Variants in PDE4D observed in about 807,000 individuals in gnomAD.
PDE4D encodes 3',5'-cyclic-AMP phosphodiesterase 4D.
Under a neutral mutation model 87.4 loss-of-function variants are expected in PDE4D, and 24 were observed. That is an observed-to-expected ratio of 0.27 (90% CI 0.20 to 0.39). The LOEUF (loss-of-function observed/expected upper bound fraction) is 0.39. Among genes scored for constraint, PDE4D ranks in the 10% least tolerant of loss-of-function variants. The pLI is 1.00. For missense variants in PDE4D, 714 were observed against 1,041.0 expected (o/e 0.69, Z 4.32); for synonymous variants, 384 against 383.2 (o/e 1.00, Z -0.02).
At chr5:59,463,988 A>C (rs796453745) in intron 1 of PDE4D, among the ~76,000 whole-genome samples, 3 of 152,316 alleles carry the variant, frequency 2.0e-5, no homozygotes, top group African/African-American at 7.2e-5. Context: ...GTTGTGCAAG[A>C]TGTGCTTTGT....
chr5:59,061,920 A>G (rs946319390), intron 5 of PDE4D, among the ~76,000 whole-genome samples: 1 of 152,116 alleles, frequency 6.6e-6, no homozygotes, highest in Admixed American at 6.6e-5. Flanking sequence ...CCACCGAAGT[A>G]GAGACCTTCA....
At chr5:60,251,887 C>T (rs969649189) in intron 1 of PDE4D, among the ~76,000 whole-genome samples, 1 of 151,946 alleles carries the variant, frequency 6.6e-6, no homozygotes, top group Non-Finnish European at 1.5e-5. Context: ...GCAGCTTCTA[C>T]TCCTGCAAGC....
intron 1 of PDE4D, among the ~76,000 whole-genome samples, chr5:59,302,248 C>T (rs1770404953): frequency 6.6e-6 from 1 of 152,164 alleles, no homozygotes; most frequent in Non-Finnish European, 1.5e-5. Flanking sequence ...AATCAGGATA[C>T]AGTAACTCTA....
At chr5:59,983,439 T>A (rs1366383231) in intron 3 of PDE4D, among the ~76,000 whole-genome samples, 1 of 152,124 alleles carries the variant, frequency 6.6e-6, no homozygotes, top group East Asian at 1.9e-4. Flanking sequence ...AAGACACTGT[T>A]TAGAACAAAA....
chr5:59,252,009 T>TGGGGTCTACTTGATCA (rs1305284331), intron 1 of PDE4D, among the ~76,000 whole-genome samples: 18 of 151,930 alleles, frequency 1.2e-4, no homozygotes, highest in African/African-American at 4.4e-4. Context: ...CAACAGACAT[T>TGGGGTCTACTTGATCA]GGGGTCTACT....
At chr5:60,114,867 T>C (rs574936194) in intron 2 of PDE4D, among the ~76,000 whole-genome samples, 1 of 152,126 alleles carries the variant, frequency 6.6e-6, no homozygotes, top group African/African-American at 2.4e-5. Flanking sequence ...TATAACTATG[T>C]GTGTATGTAT....
intron 1 of PDE4D, among the ~76,000 whole-genome samples, chr5:59,522,825 T>C (rs1249289164): frequency 6.6e-6 from 1 of 152,184 alleles, no homozygotes; most frequent in Admixed American, 6.5e-5. Context: ...TGAGTTAGAA[T>C]TATCCTTAAA....
chr5:60,391,624 CCT>C (rs1369964951), intron 1 of PDE4D, among the ~76,000 whole-genome samples: 1 of 152,068 alleles, frequency 6.6e-6, no homozygotes, highest in Admixed American at 6.5e-5. Context: ...GTCACAATTC[CCT>C]CTCTTTTCCT....
chr5:59,406,385 TATCTTTCCTTCCCC>T (rs1582433509), intron 1 of PDE4D, among the ~76,000 whole-genome samples: 1 of 86,896 alleles, frequency 1.2e-5, no homozygotes, highest in Non-Finnish European at 2.2e-5. Flanking sequence ...TATCTTTCCT[TATCTTTCCTTCCCC>T]CCCCCCCCCC....
At chr5:60,359,125 G>A (rs1759853285) in intron 1 of PDE4D, among the ~76,000 whole-genome samples, 1 of 152,176 alleles carries the variant, frequency 6.6e-6, no homozygotes, top group Non-Finnish European at 1.5e-5. Flanking sequence ...TATTGTTATA[G>A]GCAGGGCACT....
chr5:60,414,295 C>A (rs889498684), intron 1 of PDE4D, among the ~76,000 whole-genome samples: 9 of 152,034 alleles, frequency 5.9e-5, no homozygotes, highest in Non-Finnish European at 2.9e-5. Flanking sequence ...CTAGAGAATG[C>A]AAATAATAGT....
chr5:59,067,381 G>A (rs985579408), intron 5 of PDE4D, among the ~76,000 whole-genome samples: 32 of 152,094 alleles, frequency 2.1e-4, no homozygotes, highest in African/African-American at 7.2e-4. Flanking sequence ...TTTCTGTAGC[G>A]TGAGCTGAAA....
At chr5:59,479,962 T>A (rs1803964118) in intron 1 of PDE4D, among the ~76,000 whole-genome samples, 1 of 152,022 alleles carries the variant, frequency 6.6e-6, no homozygotes, top group Non-Finnish European at 1.5e-5. Context: ...CACATTAACT[T>A]ATAATTTCTA....
At position 59,966,075 on chromosome 5, in the gene PDE4D, A is replaced by T. The variant is rs60924879; in HGVS notation, c.272+22413T>A. On this transcript the variant is annotated intron_variant, in intron 3 of 16. Coordinates refer to the PDE4D transcript ENST00000502484. ...GCCCTTGGAGCCCTCACAAGTGAGG[A>T]TCTCATCTGTTACCCCCACCTCTCA... is the stretch of plus-strand genomic sequence containing the variant. 3.8e-3 allele frequency among the ~76,000 whole-genome samples: 577 copies of T among 152,266 alleles called. 4 individuals are homozygous for T. The highest frequency in any genetic ancestry group is 0.013 in the African/African-American group (536 of 41,558).
At chr5:59,080,251 T>G (rs981402117) in intron 5 of PDE4D, among the ~76,000 whole-genome samples, 1 of 152,206 alleles carries the variant, frequency 6.6e-6, no homozygotes, top group African/African-American at 2.4e-5. Flanking sequence ...TGGATTCTGC[T>G]TTGAAACACA....
chr5:59,272,150 A>C (rs972560727), intron 1 of PDE4D, among the ~76,000 whole-genome samples: 25 of 152,088 alleles, frequency 1.6e-4, no homozygotes, highest in Non-Finnish European at 3.5e-4. Context: ...TTACATAATG[A>C]ATGATCTTAC....
chr5:60,225,323 C>T (rs1226609862), intron 1 of PDE4D, among the ~76,000 whole-genome samples: 1 of 151,974 alleles, frequency 6.6e-6, no homozygotes, highest in Non-Finnish European at 1.5e-5. Context: ...GAATTTCAAA[C>T]TCAAAGACCA....
At chr5:59,649,019 T>G (rs1320062055) in intron 1 of PDE4D, among the ~76,000 whole-genome samples, 1 of 152,208 alleles carries the variant, frequency 6.6e-6, no homozygotes, top group Non-Finnish European at 1.5e-5. Flanking sequence ...TTCTTATATA[T>G]AGGAAATCCC....
intron 5 of PDE4D, among the ~76,000 whole-genome samples, chr5:59,074,188 T>C (rs979636147): frequency 6.6e-6 from 1 of 152,154 alleles, no homozygotes; most frequent in South Asian, 2.1e-4. Flanking sequence ...GGGGAATAAA[T>C]GATTAGTCAA....
Sources: gnomAD v4.1 joint callset for allele counts (sites outside exome capture counted in the v4.1 genomes callset) on GRCh38, gnomAD v4.1.1 for gene constraint, MANE v1.5 for transcripts, NCBI Gene and HGNC (gene_info 2026-07-23, HGNC 2026-07-21) for gene names.